The following ZNF407 variants were observed in gnomAD, a reference collection of about 807,000 sequenced individuals.
ZNF407 encodes the protein zinc finger protein 407.
In ZNF407, 17 loss-of-function variants were observed where a neutral mutation model predicts 131.2. The observed-to-expected ratio is 0.13, with a 90% CI of 0.09 to 0.19. The LOEUF (loss-of-function observed/expected upper bound fraction) is 0.19. Among genes scored for constraint, ZNF407 ranks in the 10% least tolerant of loss-of-function variants. The pLI, the probability that ZNF407 is intolerant of heterozygous loss-of-function variation, is 1.00. For synonymous variants in ZNF407, 1,156 were observed against 1,062.0 expected (o/e 1.09, Z -1.72); for missense variants, 2,681 against 2,830.6 (o/e 0.95, Z 1.20).
At chr18:74,822,014 A>G (rs1476368948) in intron 4 of ZNF407, among the ~76,000 whole-genome samples, 3 of 152,190 alleles carry the variant, frequency 2.0e-5, no homozygotes, top group Non-Finnish European at 4.4e-5. Flanking sequence ...GCATTTCTCT[A>G]ATGACCAGTG....
At chr18:75,029,452 C>T (rs1385542594) in intron 8 of ZNF407, among the ~76,000 whole-genome samples, 1 of 152,216 alleles carries the variant, frequency 6.6e-6, no homozygotes, top group Non-Finnish European at 1.5e-5. Flanking sequence ...TAAGGAAGTG[C>T]TAGTAGCTGG....
chr18:75,025,979 G>A (rs531170578), intron 8 of ZNF407, among the ~76,000 whole-genome samples: 11 of 152,262 alleles, frequency 7.2e-5, no homozygotes, highest in African/African-American at 1.4e-4. Context: ...ATAACACGGC[G>A]TTAATTGAAT....
chr18:74,875,531 G>C (rs1039211881), intron 4 of ZNF407, among the ~76,000 whole-genome samples: 3 of 152,132 alleles, frequency 2.0e-5, no homozygotes, highest in African/African-American at 7.2e-5. Context: ...GTAGGAGAAG[G>C]TTAGAGCCAC....
At chr18:74,926,542 G>A (rs1971916288) in intron 8 of ZNF407, among the ~76,000 whole-genome samples, 1 of 152,090 alleles carries the variant, frequency 6.6e-6, no homozygotes, top group African/African-American at 2.4e-5. Flanking sequence ...GGTGGCTCAC[G>A]CCTGTAATCC....
chr18:74,913,685 T>C (rs1375902153), intron 7 of ZNF407, among the ~76,000 whole-genome samples: 1 of 152,154 alleles, frequency 6.6e-6, no homozygotes, highest in East Asian at 1.9e-4. Context: ...TCATATCCAT[T>C]ATTGGATGCT....
chr18:75,063,388 G>T lies in ZNF407; in HGVS notation c.5667G>T (p.Thr1889=). The T allele has an allele frequency of 6.2e-7, 1 of 1,611,062 alleles. No individual in the cohort carries two copies. The highest frequency in any genetic ancestry group is 8.5e-7 in the Non-Finnish European group (1 of 1,179,056). The change falls in exon 9 of 9, where the codon ACG becomes ACT. Residue 1889 remains threonine (T), a synonymous_variant. Transcript: ENST00000299687. This position sits in a 1 kb window ranked among gnomAD's most constrained non-coding sequence, Gnocchi z 6.6. The stretch of plus-strand genomic sequence containing the variant: ...CGGTGGAGGAGACGGCCGCCGCCAC[G>T]CTGCAGACGCTGGCCATGGCCGGCC... ...DPSVEETAAA[T]LQTLAMAGQV... is the part of the protein sequence containing the mutation.
chr18:74,633,572 G>T lies in ZNF407; in HGVS notation c.2553G>T (p.Thr851=), dbSNP rs117745389. 37 of 1,613,910 alleles carry T rather than the reference G, an allele frequency of 2.3e-5. No homozygotes were observed. Among genetic ancestry groups the T allele is most frequent in the African/African-American group, 1.3e-5 (1 of 74,938 alleles). Reference sequence around the variant, plus strand: ...GACCTAAAGGTAACATCTCACGGACGTGTTCACACTGTGGCCTTTTGGCCT... The same window carrying T: ...GACCTAAAGGTAACATCTCACGGACTTGTTCACACTGTGGCCTTTTGGCCT... ...RGRPKGNISR[T]CSHCGLLASS... The change falls in exon 2 of 9, where the codon ACG becomes ACT. Residue 851 remains threonine, a synonymous_variant. Coordinates refer to ENST00000299687, the MANE Select transcript of ZNF407 (RefSeq NM_017757.3).
intron 3 of ZNF407, among the ~76,000 whole-genome samples, chr18:74,722,819 T>C (rs1168806177): frequency 2.0e-5 from 3 of 152,228 alleles, no homozygotes; most frequent in African/African-American, 7.2e-5. Context: ...TTTTGAGATC[T>C]GTTGACCTCT....
intron 3 of ZNF407, among the ~76,000 whole-genome samples, chr18:74,723,051 A>G (rs925623467): frequency 5.9e-5 from 9 of 151,940 alleles, no homozygotes; most frequent in Non-Finnish European, 5.9e-5. Context: ...ATTTTTATTG[A>G]TGTCTTCAAA....
chr18:74,732,467 G>A (rs1341269976), intron 3 of ZNF407, among the ~76,000 whole-genome samples: 1 of 152,142 alleles, frequency 6.6e-6, no homozygotes, highest in Non-Finnish European at 1.5e-5. Flanking sequence ...GATGGGAGAT[G>A]TCTACCTTCC....
At chr18:74,706,468 C>A (rs1369385731) in intron 3 of ZNF407, among the ~76,000 whole-genome samples, 1 of 152,034 alleles carries the variant, frequency 6.6e-6, no homozygotes, top group Admixed American at 6.5e-5. Context: ...TGTGTATTAC[C>A]CCATGAATTT....
At chr18:74,905,164 T>G (rs1167896635) in intron 7 of ZNF407, 4 of 152,236 alleles carry the variant, frequency 2.6e-5, no homozygotes, top group Non-Finnish European at 5.9e-5. Flanking sequence ...ATGTAGTACC[T>G]ACTAAATATG....
At chr18:74,671,481 A>C (rs1228457300) in intron 3 of ZNF407, among the ~76,000 whole-genome samples, 2 of 152,132 alleles carry the variant, frequency 1.3e-5, no homozygotes, top group South Asian at 4.1e-4. Flanking sequence ...ACCCAACAGT[A>C]GTATTTTTTC....
In ZNF407 at chr18:74,916,552, A is replaced by AGT. The variant is rs372779801; in HGVS notation, c.5250-3942_5250-3941dup. ...GTGTGCAGCATTGGTTCGAATCGGG[A>AGT]GTGTGTGTGTGTGTGTGTGTGCATG... On this transcript the variant is annotated intron_variant, in intron 7 of 8. Coordinates refer to ENST00000299687, the MANE Select transcript of ZNF407 (RefSeq NM_017757.3). 8.1e-3 allele frequency among the ~76,000 whole-genome samples: 464 copies of AGT among 57,378 alleles called. 6 individuals are homozygous for AGT. Among genetic ancestry groups the AGT allele is most frequent in the East Asian group, 0.014 (18 of 1,316 alleles). 37.6% of individuals were successfully genotyped at this position (57,378 alleles called of 152,430 possible).
intron 8 of ZNF407, among the ~76,000 whole-genome samples, chr18:75,016,215 A>G (rs1313790879): frequency 6.6e-6 from 1 of 152,038 alleles, no homozygotes; most frequent in South Asian, 2.1e-4. Context: ...CTAGCACACT[A>G]TTCTGTGAGT....
At chr18:74,798,985 A>G (rs2145065553) in intron 4 of ZNF407, among the ~76,000 whole-genome samples, 2 of 152,216 alleles carry the variant, frequency 1.3e-5, no homozygotes, top group South Asian at 4.1e-4. Flanking sequence ...TTTTTAAATG[A>G]ATTAAACTAT....
chr18:74,869,487 C>T (rs1299156787), intron 4 of ZNF407, among the ~76,000 whole-genome samples: 1 of 152,182 alleles, frequency 6.6e-6, no homozygotes. Context: ...TCCACCTGTT[C>T]TTCTCATGTT....
chr18:74,599,616 C>T (rs1982491032), intron 1 of ZNF407, among the ~76,000 whole-genome samples: 1 of 152,150 alleles, frequency 6.6e-6, no homozygotes. Flanking sequence ...GTGAAAGCTT[C>T]TTGCAGGATA....
intron 7 of ZNF407, among the ~76,000 whole-genome samples, chr18:74,913,450 C>T (rs543878121): frequency 1.3e-5 from 2 of 152,226 alleles, no homozygotes; most frequent in East Asian, 1.9e-4. Flanking sequence ...TTCGATACGG[C>T]GAGGCCCCAT....
Sources: gnomAD v4.1 joint callset for allele counts (sites outside exome capture counted in the v4.1 genomes callset) on GRCh38, gnomAD v4.1.1 for gene constraint, Gnocchi (gnomAD v3.1) non-coding constraint, MANE v1.5 for transcripts, NCBI Gene and HGNC (gene_info 2026-07-23, HGNC 2026-07-21) for gene names.